The following CRADD variants were observed in gnomAD, a reference collection of about 807,000 sequenced individuals.
CRADD encodes death domain-containing protein CRADD.
In CRADD, 9 loss-of-function variants were observed where a neutral mutation model predicts 15.5. The observed-to-expected ratio is 0.58, with a 90% CI of 0.35 to 1.01. The LOEUF (loss-of-function observed/expected upper bound fraction) is 1.01, where lower values mean the gene tolerates loss of function less well. Ranked by LOEUF, CRADD falls within the 50% of genes least tolerant of loss-of-function variation. The pLI, the probability that CRADD is intolerant of heterozygous loss-of-function variation, is 0.02. For synonymous variants in CRADD, 118 were observed against 107.6 expected (o/e 1.10, Z -0.60); for missense variants, 227 against 250.3 (o/e 0.91, Z 0.63).
At chr12:93,680,598 G>A (rs1955262229) in intron 2 of CRADD, among the ~76,000 whole-genome samples, 1 of 152,110 alleles carries the variant, frequency 6.6e-6, no homozygotes, top group Non-Finnish European at 1.5e-5. Flanking sequence ...TTCACTGCTT[G>A]GATTGTCCTT....
At chr12:93,726,680 A>G (rs1211712632) in intron 2 of CRADD, among the ~76,000 whole-genome samples, 1 of 152,136 alleles carries the variant, frequency 6.6e-6, no homozygotes, top group Non-Finnish European at 1.5e-5. Flanking sequence ...ACAATTTATT[A>G]CTTTTTTCCT....
intron 2 of CRADD, among the ~76,000 whole-genome samples, chr12:93,844,192 G>A (rs776002471): frequency 1.6e-4 from 25 of 152,102 alleles, no homozygotes; most frequent in African/African-American, 3.1e-4. Flanking sequence ...CTTGCACTCC[G>A]CTAGTGGCAT....
intron 1 of CRADD, chr12:93,678,028 G>A (rs1351412447): frequency 6.6e-6 from 1 of 152,302 alleles, no homozygotes; most frequent in Non-Finnish European, 1.5e-5. Flanking sequence ...CCAGTGCTGG[G>A]GTGTGTGCTT....
At chr12:93,716,614 G>A (rs73361515) in intron 2 of CRADD, among the ~76,000 whole-genome samples, 6,524 of 152,142 alleles carry the variant, frequency 0.043, 443 homozygotes, top group African/African-American at 0.15. Context: ...CTACTATATC[G>A]TTGGAATCAT....
At chr12:93,723,854 A>AATT (rs1306728635) in intron 2 of CRADD, among the ~76,000 whole-genome samples, 1 of 151,970 alleles carries the variant, frequency 6.6e-6, no homozygotes, top group African/African-American at 2.4e-5. Context: ...ACTCGGCTGG[A>AATT]ATTATATGTT....
chr12:93,764,308 G>A (rs896025114), intron 2 of CRADD, among the ~76,000 whole-genome samples: 2 of 151,916 alleles, frequency 1.3e-5, no homozygotes, highest in African/African-American at 4.8e-5. Context: ...GTGAGAGGTG[G>A]CCATGGCAGA....
chr12:93,717,024 A>G (rs73361522), intron 2 of CRADD, among the ~76,000 whole-genome samples: 4,130 of 152,314 alleles, frequency 0.027, 127 homozygotes, highest in East Asian at 0.086. Context: ...GTTGCATCAC[A>G]CTATACCAGC....
chr12:93,764,180 CTT>C (rs34243041), intron 2 of CRADD, among the ~76,000 whole-genome samples: 46 of 128,296 alleles, frequency 3.6e-4, no homozygotes, highest in Admixed American at 4.0e-4. Context: ...ACATGATCAA[CTT>C]TTTTTTTTTT....
chr12:93,878,439 T>C (rs1485380870), intron 2 of CRADD, among the ~76,000 whole-genome samples: 2 of 152,260 alleles, frequency 1.3e-5, no homozygotes, highest in East Asian at 3.9e-4. Flanking sequence ...CCATGAGCTG[T>C]GTAGCCTGGG....
At chr12:93,794,204 A>G (rs1037371344) in intron 2 of CRADD, among the ~76,000 whole-genome samples, 4 of 152,070 alleles carry the variant, frequency 2.6e-5, no homozygotes, top group Admixed American at 2.0e-4. Flanking sequence ...AAAGCCTCCA[A>G]TGCTTCATCC....
intron 2 of CRADD, among the ~76,000 whole-genome samples, chr12:93,728,163 C>A (rs1956402532): frequency 6.6e-6 from 1 of 152,156 alleles, no homozygotes; most frequent in Admixed American, 6.5e-5. Flanking sequence ...TCCTTTCTTC[C>A]ACAAGGCATT....
intron 2 of CRADD, among the ~76,000 whole-genome samples, chr12:93,795,926 T>A (rs1444643242): frequency 6.6e-6 from 1 of 152,214 alleles, no homozygotes. Context: ...TTGAACAATT[T>A]CTAATCTTCT....
downstream of CRADD, among the ~76,000 whole-genome samples, chr12:93,850,932 A>G (rs1254460738): frequency 1.3e-5 from 2 of 152,166 alleles, no homozygotes; most frequent in Non-Finnish European, 2.9e-5. This position sits in a 1 kb window ranked among gnomAD's most constrained non-coding sequence, Gnocchi z 4.0. Context: ...AAATATTGTA[A>G]GACACTAAAG....
chr12:93,698,992 C>T (rs1955777837), intron 2 of CRADD, among the ~76,000 whole-genome samples: 1 of 152,068 alleles, frequency 6.6e-6, no homozygotes, highest in African/African-American at 2.4e-5. Flanking sequence ...TGGCCCTTTA[C>T]AGAAAAAGCC....
chr12:93,690,894 A>G (rs927547669), intron 2 of CRADD, among the ~76,000 whole-genome samples: 1 of 152,230 alleles, frequency 6.6e-6, no homozygotes, highest in Admixed American at 6.5e-5. Context: ...CTCAGGTCTC[A>G]CACATAGCCG....
At chr12:93,841,762 C>A (rs1195101278) in intron 2 of CRADD, among the ~76,000 whole-genome samples, 5 of 152,170 alleles carry the variant, frequency 3.3e-5, no homozygotes, top group African/African-American at 1.2e-4. Flanking sequence ...CTTAAATGTC[C>A]TCACAGCAGG....
chr12:93,842,070 G>A (rs12308959), intron 2 of CRADD, among the ~76,000 whole-genome samples: 69,888 of 151,964 alleles, frequency 0.46, 16,334 homozygotes, highest in East Asian at 0.68. Flanking sequence ...GAATTTCATA[G>A]TTAAAAAACT....
intron 2 of CRADD, among the ~76,000 whole-genome samples, 157 bp downstream of exon 2, chr12:93,679,229 C>T (rs1419975804): frequency 1.3e-5 from 2 of 151,764 alleles, no homozygotes; most frequent in Non-Finnish European, 2.9e-5. Context: ...GCAACCTCTG[C>T]TTCCTGGGTT....
At chr12:93,823,753 G>C (rs118122405) in intron 2 of CRADD, among the ~76,000 whole-genome samples, 1 of 152,180 alleles carries the variant, frequency 6.6e-6, no homozygotes, top group Non-Finnish European at 1.5e-5. Context: ...TGAGAATTCA[G>C]GGAGAGCCTG....
Sources: allele counts gnomAD v4.1 joint callset (sites outside exome capture counted in the v4.1 genomes callset), GRCh38; gene constraint gnomAD v4.1.1; non-coding constraint Gnocchi (gnomAD v3.1); transcripts MANE v1.5; gene names NCBI Gene and HGNC (gene_info 2026-07-23, HGNC 2026-07-21).